RECQL5: variants seen among roughly 807,000 people sequenced by gnomAD.
RECQL5 encodes ATP-dependent DNA helicase Q5.
RECQL5 carries 88 observed loss-of-function variants against 103.4 expected under a neutral mutation model. The ratio of observed to expected loss-of-function variants is 0.85; its 90% CI spans 0.72 to 1.02. RECQL5 has a LOEUF of 1.02. Among genes scored for constraint, RECQL5 ranks in the 50% least tolerant of loss-of-function variants. The pLI is 0.00. For synonymous variants in RECQL5, 552 were observed against 507.9 expected (o/e 1.09, Z -1.17); for missense variants, 1,232 against 1,284.3 (o/e 0.96, Z 0.62).
In RECQL5 at chr17:75,628,452, G is replaced by A. The variant is rs534222335; in HGVS notation, c.2581-10C>T. ...GGCTCTCTGGGTTCTCCTGAGAAGGGCCACAGCAGAGGGTCACTCCTGAGC... is the reference window on the plus strand; with the variant it reads ...GGCTCTCTGGGTTCTCCTGAGAAGGACCACAGCAGAGGGTCACTCCTGAGC... On this transcript the variant is annotated splice_polypyrimidine_tract_variant and intron_variant, in intron 17 of 19. Coordinates refer to ENST00000317905, the MANE Select transcript of RECQL5 (RefSeq NM_004259.7). 4.3e-6 allele frequency: 7 copies of A among 1,611,986 alleles called. No homozygotes were observed. Among genetic ancestry groups the A allele is most frequent in the African/African-American group, 4.0e-5 (3 of 74,994 alleles).
intron 15 of RECQL5, 114 bp from the exon 16 acceptor site, chr17:75,629,589 A>G (rs1050507918): frequency 2.7e-6 from 4 of 1,504,156 alleles, no homozygotes; most frequent in Non-Finnish European, 3.6e-6. Context: ...GTGGGAGGGA[A>G]GAGGCAGGCA....
chr17:75,626,990 G>A lies in RECQL5; in HGVS notation c.*432C>T. The A allele has an allele frequency of 2.7e-6, 1 of 372,364 alleles. No individual in the cohort carries two copies. The highest frequency in any genetic ancestry group is 5.3e-6 in the Non-Finnish European group (1 of 188,432). 23.1% of individuals were successfully genotyped at this position (372,364 alleles called of 1,614,324 possible). ...CTCCTCTGCCACAGCTCTGACCTGG[G>A]CAAGGCTGGAAGCTGGCATCGTAAT... is the stretch of plus-strand genomic sequence containing the variant. On this transcript the variant is annotated 3_prime_UTR_variant, in exon 20 of 20. Transcript: ENST00000317905.
At chr17:75,647,987 G>T in intron 8 of RECQL5, 1 of 173,492 alleles carries the variant, frequency 5.8e-6, no homozygotes. Flanking sequence ...ACTTGTGAGA[G>T]CTCATTTTTA....
intron 7 of RECQL5, among the ~76,000 whole-genome samples, chr17:75,657,403 A>C (rs1318942612): frequency 2.0e-5 from 3 of 152,076 alleles, no homozygotes; most frequent in Admixed American, 1.3e-4. Context: ...CTCTTTAACA[A>C]AAGAAACAAG....
rs374854516 is a variant in RECQL5 at position 75,633,694 on chromosome 17, G to A, written c.1230-2026C>T. 2.6e-4 allele frequency: 295 copies of A among 1,137,724 alleles called. No individual in the cohort carries two copies. The East Asian group carries it at 7.7e-3, about 30-fold the overall frequency. 70.5% of individuals were successfully genotyped at this position (1,137,724 alleles called of 1,614,324 possible). The stretch of plus-strand genomic sequence containing the variant: ...CCAGGGAGTGGCCAGAGGGACAGAA[G>A]GGGTGGCCTTCCTGAGGGCAGGGTG... On this transcript the variant is annotated intron_variant, in intron 8 of 19. Coordinates refer to ENST00000317905, the MANE Select transcript of RECQL5 (RefSeq NM_004259.7).
At chr17:75,647,301 C>A in intron 8 of RECQL5, 1 of 1,352,416 alleles carries the variant, frequency 7.4e-7, no homozygotes, top group Non-Finnish European at 1.0e-6. Flanking sequence ...AGTCGGCGGG[C>A]AGAGCATAGC....
Position 75,640,180 on chromosome 17 carries a change from C to T in RECQL5, c.1230-8512G>A. 4 of 1,536,200 alleles carry T rather than the reference C, an allele frequency of 2.6e-6. No individual in the cohort carries two copies. The highest frequency in any genetic ancestry group is 3.5e-6 in the Non-Finnish European group (4 of 1,141,078). On this transcript the variant is annotated intron_variant, in intron 8 of 19. Transcript: ENST00000317905. The surrounding 1 kb of genome is among the most constrained non-coding windows in gnomAD (Gnocchi z 4.6). ...TGCCCCAGCAGAGCCCGGCAGGAGCCCCAACAGGAAGCCAGCGCGGCATGG... is the reference window on the plus strand; with the variant it reads ...TGCCCCAGCAGAGCCCGGCAGGAGCTCCAACAGGAAGCCAGCGCGGCATGG...
At chr17:75,639,861 A>C in intron 8 of RECQL5, 3 of 219,898 alleles carry the variant, frequency 1.4e-5, no homozygotes, top group Non-Finnish European at 9.0e-6. Flanking sequence ...AAAACCCAGT[A>C]GTGGTACCTC....
chr17:75,658,816 G>A (rs901032460), intron 6 of RECQL5, among the ~76,000 whole-genome samples: 2 of 152,154 alleles, frequency 1.3e-5, no homozygotes, highest in African/African-American at 4.8e-5. Context: ...TTTGGAGAGG[G>A]AAAGGAATAA....
rs1283100626 is a variant in RECQL5 at position 75,628,286 on chromosome 17, TCAAGGAGA to T, written c.2729_2736del (p.Val910GlufsTer27). The T allele has an allele frequency of 6.2e-7, 1 of 1,614,012 alleles. No homozygotes were observed. The highest frequency in any genetic ancestry group is 8.5e-7 in the Non-Finnish European group (1 of 1,180,022). On this transcript the variant is annotated frameshift_variant, in exon 18 of 20. Coordinates refer to ENST00000317905, the MANE Select transcript of RECQL5 (RefSeq NM_004259.7). LOFTEE classifies it high-confidence loss of function. The stretch of plus-strand genomic sequence containing the variant: ...TTGACCACAACATTTGCAGCCTCCT[TCAAGGAGA>T]CGCCAGGAGCGGAGAGCTGGAAGGG...
chr17:75,640,373 GGA>G lies in RECQL5; in HGVS notation c.1230-8707_1230-8706del. 6.7e-7 allele frequency: 1 copy of G among 1,496,384 alleles called. No individual in the cohort carries two copies. 92.7% of individuals were successfully genotyped at this position (1,496,384 alleles called of 1,614,324 possible). On this transcript the variant is annotated intron_variant, in intron 8 of 19. Transcript: ENST00000317905. This position sits in a 1 kb window ranked among gnomAD's most constrained non-coding sequence, Gnocchi z 4.6. ...ACCCCATGGCTCTCCCTGGCATCTG[GGA>G]GAGACCACACCATGGTGCCAGCCAG...
intron 6 of RECQL5, among the ~76,000 whole-genome samples, chr17:75,659,275 T>G (rs1487612258): frequency 1.3e-5 from 2 of 152,206 alleles, no homozygotes; most frequent in Non-Finnish European, 2.9e-5. Flanking sequence ...TTAGCCAGGA[T>G]GGTCTCAATC....
At position 75,630,845 on chromosome 17, in the gene RECQL5, G is replaced by C. The variant is rs74632503; in HGVS notation, c.1586-8C>G. Reference sequence around the variant, plus strand: ...TCAGGGGACAGTTCTCATCTGTGGGGGGGGGGGGTGGTCCTTGGTCCTTTC... The same window carrying C: ...TCAGGGGACAGTTCTCATCTGTGGGCGGGGGGGGTGGTCCTTGGTCCTTTC... On this transcript the variant is annotated splice_polypyrimidine_tract_variant and splice_region_variant and intron_variant, in intron 11 of 19. Coordinates refer to ENST00000317905, the MANE Select transcript of RECQL5 (RefSeq NM_004259.7). 72 of 1,398,012 alleles carry C rather than the reference G, an allele frequency of 5.2e-5. No individual in the cohort carries two copies. The highest frequency in any genetic ancestry group is 4.6e-4 in the African/African-American group (28 of 60,582). 86.6% of individuals were successfully genotyped at this position (1,398,012 alleles called of 1,614,324 possible).
At chr17:75,648,650 G>A (rs554599299) in intron 8 of RECQL5, among the ~76,000 whole-genome samples, 10 of 147,346 alleles carry the variant, frequency 6.8e-5, no homozygotes, top group Admixed American at 1.4e-4. Flanking sequence ...AGGATTACAC[G>A]CATGAGCCAC....
intron 3 of RECQL5, among the ~76,000 whole-genome samples, chr17:75,663,666 A>G (rs184952235): frequency 2.6e-4 from 40 of 152,344 alleles, no homozygotes; most frequent in Non-Finnish European, 4.7e-4. Context: ...TAATCGCCAC[A>G]TGCTCGCTGG....
intron 6 of RECQL5, among the ~76,000 whole-genome samples, chr17:75,660,230 C>A (rs144487338): frequency 2.6e-5 from 4 of 152,212 alleles, no homozygotes; most frequent in Middle Eastern, 6.8e-3. Flanking sequence ...CCACACCTGG[C>A]TAATTTTTAT....
In RECQL5 at chr17:75,640,832, T is replaced by A; in HGVS notation, c.1230-9164A>T. On this transcript the variant is annotated intron_variant, in intron 8 of 19. Coordinates refer to ENST00000317905, the MANE Select transcript of RECQL5 (RefSeq NM_004259.7). The surrounding 1 kb of genome is among the most constrained non-coding windows in gnomAD (Gnocchi z 4.6). ...GCTGCTGATAGCCTGCAGCTGCTGC[T>A]GCACTCACTGCTGCTGCCCTGAGCG... 1.3e-6 allele frequency: 2 copies of A among 1,549,870 alleles called. No homozygotes were observed. Among genetic ancestry groups the A allele is most frequent in the Non-Finnish European group, 1.7e-6 (2 of 1,146,892 alleles).
At chr17:75,661,568 G>A (rs376414360) in intron 5 of RECQL5, 38 bp downstream of exon 5, 53 of 1,423,268 alleles carry the variant, frequency 3.7e-5, no homozygotes, top group Non-Finnish European at 2.6e-5. Context: ...AGAAGCCTCT[G>A]AGGGTGAAGA....
chr17:75,644,030 G>A (rs756512760), intron 8 of RECQL5, among the ~76,000 whole-genome samples: 17 of 152,234 alleles, frequency 1.1e-4, no homozygotes, highest in African/African-American at 3.6e-4. Context: ...AGGGATGGGC[G>A]TGGTGACTCC....
Sources: gnomAD v4.1 joint callset for allele counts (sites outside exome capture counted in the v4.1 genomes callset) on GRCh38, gnomAD v4.1.1 for gene constraint, Gnocchi (gnomAD v3.1) non-coding constraint, MANE v1.5 for transcripts, NCBI Gene and HGNC (gene_info 2026-07-23, HGNC 2026-07-21) for gene names.